ITGA9: variants seen among roughly 807,000 people sequenced by gnomAD.
ITGA9 encodes integrin subunit alpha 9, also known as integrin alpha-9.
In ITGA9, 56 loss-of-function variants were observed where a neutral mutation model predicts 127.8. That is an observed-to-expected ratio of 0.44 (90% CI 0.35 to 0.55). The LOEUF is 0.55. ITGA9 is among the 20% of genes least tolerant of loss of function. ITGA9 has a pLI of 0.00. For synonymous variants in ITGA9, 508 were observed against 514.5 expected, an observed-to-expected ratio of 0.99 and a Z score of 0.17; for missense variants, 1,196 against 1,347.1, an observed-to-expected ratio of 0.89 and a Z score of 1.76.
intron 15 of ITGA9, among the ~76,000 whole-genome samples, chr3:37,589,922 C>T (rs1277942386): frequency 2.6e-5 from 4 of 152,128 alleles, no homozygotes; most frequent in African/African-American, 4.8e-5. Flanking sequence ...GCCTTGGGCC[C>T]GCAGGCTGCC....
chr3:37,623,733 T>C (rs1700149583), intron 15 of ITGA9, among the ~76,000 whole-genome samples: 1 of 151,888 alleles, frequency 6.6e-6, no homozygotes, highest in Non-Finnish European at 1.5e-5. Flanking sequence ...TTTCGAGTTG[T>C]CCGTGGGAGG....
intron 17 of ITGA9, among the ~76,000 whole-genome samples, chr3:37,663,378 AG>A (rs1700556078): frequency 6.6e-6 from 1 of 152,208 alleles, no homozygotes; most frequent in Admixed American, 6.5e-5. Context: ...AGGACTTTTA[AG>A]GGAGATGGAA....
chr3:37,520,809 G>A (rs1421615219), intron 11 of ITGA9, among the ~76,000 whole-genome samples: 1 of 152,180 alleles, frequency 6.6e-6, no homozygotes, highest in Non-Finnish European at 1.5e-5. Context: ...GTCACCCAAG[G>A]AGCCCCGTGC....
At chr3:37,580,335 G>C (rs1575156703) in intron 15 of ITGA9, among the ~76,000 whole-genome samples, 1 of 152,226 alleles carries the variant, frequency 6.6e-6, no homozygotes, top group East Asian at 1.9e-4. Context: ...TGGATGGCTG[G>C]AAGGCGGGGC....
chr3:37,768,625 TATG>T (rs1302698133), intron 23 of ITGA9, among the ~76,000 whole-genome samples: 1 of 152,106 alleles, frequency 6.6e-6, no homozygotes, highest in Non-Finnish European at 1.5e-5. Flanking sequence ...ATTGGTGTAA[TATG>T]ATATGGAAAA....
At chr3:37,695,776 T>C (rs569593650) in intron 18 of ITGA9, among the ~76,000 whole-genome samples, 284 of 152,370 alleles carry the variant, frequency 1.9e-3, no homozygotes, top group African/African-American at 6.5e-3. Flanking sequence ...TTGGGCTGCA[T>C]GTAACAGAAA....
intron 15 of ITGA9, among the ~76,000 whole-genome samples, chr3:37,589,892 C>T (rs191760666): frequency 2.0e-4 from 30 of 152,236 alleles, no homozygotes; most frequent in African/African-American, 6.0e-4. Flanking sequence ...AATGACATGA[C>T]CTTCTGCATC....
At position 37,822,557 on chromosome 3, in the gene ITGA9, T is replaced by G. The variant is rs1697527105; in HGVS notation, c.*3568T>G. On this transcript the variant is annotated 3_prime_UTR_variant, in exon 28 of 28. Transcript: ENST00000264741. ...GGAAAACTGTCAGCATCATGGGTACTCAGAGGTATGGTAGACCTTGTAGAA... is the reference window on the plus strand; with the variant it reads ...GGAAAACTGTCAGCATCATGGGTACGCAGAGGTATGGTAGACCTTGTAGAA... 1 of 152,196 alleles carries G rather than the reference T, an allele frequency of 6.6e-6. No individual in the cohort carries two copies. Among genetic ancestry groups the G allele is most frequent in the Admixed American group, 6.5e-5 (1 of 15,276 alleles). 9.4% of individuals were successfully genotyped at this position (152,196 alleles called of 1,614,324 possible).
intron 17 of ITGA9, among the ~76,000 whole-genome samples, chr3:37,679,501 C>G (rs903823869): frequency 1.4e-5 from 2 of 144,202 alleles, no homozygotes; most frequent in Non-Finnish European, 3.1e-5. Flanking sequence ...CAACTCAGAC[C>G]CTGCATGGCC....
chr3:37,765,989 G>A (rs1009335270), intron 23 of ITGA9, among the ~76,000 whole-genome samples: 14 of 152,192 alleles, frequency 9.2e-5, no homozygotes, highest in Admixed American at 7.9e-4. Flanking sequence ...ATGAATAGGC[G>A]TCAAAAGTTG....
chr3:37,617,281 A>G (rs1700083956), intron 15 of ITGA9, among the ~76,000 whole-genome samples: 1 of 152,192 alleles, frequency 6.6e-6, no homozygotes, highest in Non-Finnish European at 1.5e-5. Context: ...AAGAATGTTG[A>G]ATATTGGCCC....
chr3:37,786,880 T>C (rs535928653), intron 26 of ITGA9, among the ~76,000 whole-genome samples: 1 of 152,218 alleles, frequency 6.6e-6, no homozygotes, highest in East Asian at 1.9e-4. Context: ...AGGGTCTTGC[T>C]TTGTCACCCA....
At chr3:37,502,786 G>T (rs953177447) in intron 5 of ITGA9, among the ~76,000 whole-genome samples, 7 of 152,168 alleles carry the variant, frequency 4.6e-5, no homozygotes, top group African/African-American at 1.7e-4. Flanking sequence ...GTCCAGGCAG[G>T]GTGCGGTATT....
At chr3:37,653,054 C>A (rs1700444240) in intron 16 of ITGA9, among the ~76,000 whole-genome samples, 1 of 152,292 alleles carries the variant, frequency 6.6e-6, no homozygotes, top group South Asian at 2.1e-4. Context: ...AAGACTTGGC[C>A]CCAGTAAGGG....
At chr3:37,769,821 AG>A (rs1206575079) in intron 23 of ITGA9, among the ~76,000 whole-genome samples, 1 of 152,174 alleles carries the variant, frequency 6.6e-6, no homozygotes, top group African/African-American at 2.4e-5. Flanking sequence ...TTTGTAGACA[AG>A]ATTTATAATC....
intron 23 of ITGA9, among the ~76,000 whole-genome samples, chr3:37,761,374 G>T (rs189075930): frequency 6.6e-6 from 1 of 152,272 alleles, no homozygotes; most frequent in Admixed American, 6.5e-5. Context: ...ATATCCAGGA[G>T]AAACTTCTAA....
chr3:37,780,582 G>A (rs1461850151), intron 25 of ITGA9, among the ~76,000 whole-genome samples: 1 of 151,876 alleles, frequency 6.6e-6, no homozygotes, highest in Non-Finnish European at 1.5e-5. Context: ...ATCCATTCAT[G>A]GACACTTAAG....
At chr3:37,577,813 C>G (rs140010349) in intron 15 of ITGA9, among the ~76,000 whole-genome samples, 111 of 152,332 alleles carry the variant, frequency 7.3e-4, no homozygotes, top group African/African-American at 2.5e-3. Context: ...TTTGTGGAAA[C>G]AGAAACACAT....
At chr3:37,586,839 TC>T (rs2125612831) in intron 15 of ITGA9, among the ~76,000 whole-genome samples, 1 of 152,374 alleles carries the variant, frequency 6.6e-6, no homozygotes, top group East Asian at 1.9e-4. Flanking sequence ...GTTCCATTTT[TC>T]TGTTGTCCAA....
Sources: gnomAD v4.1 joint callset for allele counts (sites outside exome capture counted in the v4.1 genomes callset) on GRCh38, gnomAD v4.1.1 for gene constraint, MANE v1.5 for transcripts, NCBI Gene and HGNC (gene_info 2026-07-23, HGNC 2026-07-21) for gene names.